CPO: variants seen among roughly 807,000 people sequenced by gnomAD.
CPO encodes the protein metallocarboxypeptidase C.
CPO carries 43 observed loss-of-function variants against 41.2 expected under a neutral mutation model. That is an observed-to-expected ratio of 1.04 (90% CI 0.82 to 1.35). The LOEUF is 1.35. CPO is among the 40% of genes most tolerant of loss of function. The pLI is 0.00. For missense variants in CPO, 408 were observed against 451.7 expected, an observed-to-expected ratio of 0.90 and a Z score of 0.88; for synonymous variants, 178 against 162.7, an observed-to-expected ratio of 1.09 and a Z score of -0.72.
chr2:206,952,140 A>G (rs1015222291), intron 2 of CPO, among the ~76,000 whole-genome samples: 1 of 150,792 alleles, frequency 6.6e-6, no homozygotes, highest in Non-Finnish European at 1.5e-5. Context: ...TTTGAGACAG[A>G]GTCTTGCTCT....
intron 7 of CPO, among the ~76,000 whole-genome samples, chr2:206,967,329 T>A (rs1693592001): frequency 7.7e-6 from 1 of 130,654 alleles, no homozygotes; most frequent in African/African-American, 3.2e-5. Flanking sequence ...AGCTCTGAAA[T>A]GCTATATATA....
intron 2 of CPO, among the ~76,000 whole-genome samples, chr2:206,952,958 A>G (rs192076243): frequency 4.6e-5 from 7 of 152,296 alleles, no homozygotes; most frequent in East Asian, 3.9e-4. Flanking sequence ...TTATAAAACC[A>G]TCAGGTCTCC....
chr2:206,956,894 A>G (rs1163878052), intron 3 of CPO, among the ~76,000 whole-genome samples: 1 of 152,232 alleles, frequency 6.6e-6, no homozygotes, highest in African/African-American at 2.4e-5. Flanking sequence ...TGTATTAAGC[A>G]TGGGCCACCT....
intron 1 of CPO, 86 bp from the exon 2 acceptor site, chr2:206,949,531 T>G: frequency 1.1e-6 from 1 of 905,962 alleles, no homozygotes; most frequent in Non-Finnish European, 1.8e-6. Flanking sequence ...TGCACACTGA[T>G]TCTACTACCT....
At chr2:206,957,788 G>A (rs1693399445) in intron 3 of CPO, among the ~76,000 whole-genome samples, 1 of 152,212 alleles carries the variant, frequency 6.6e-6, no homozygotes, top group African/African-American at 2.4e-5. Context: ...GGCTGGCAGG[G>A]AGTCAGGGAG....
chr2:206,945,299 T>C (rs1236513510), intron 1 of CPO, among the ~76,000 whole-genome samples: 1 of 152,208 alleles, frequency 6.6e-6, no homozygotes, highest in African/African-American at 2.4e-5. Context: ...TCAGTATCAC[T>C]ATACAAAAGT....
At chr2:206,949,888 T>C (rs761467660) in intron 2 of CPO, among the ~76,000 whole-genome samples, 175 bp downstream of exon 2, 10 of 152,132 alleles carry the variant, frequency 6.6e-5, no homozygotes, top group Non-Finnish European at 8.8e-5. Context: ...GCCACCACCA[T>C]TGAAGCTGTA....
intron 1 of CPO, among the ~76,000 whole-genome samples, chr2:206,949,024 T>G (rs1298599049): frequency 6.7e-6 from 1 of 150,090 alleles, no homozygotes; most frequent in East Asian, 2.0e-4. Flanking sequence ...TATGTGAACC[T>G]AAAAGTGTGC....
intron 7 of CPO, among the ~76,000 whole-genome samples, chr2:206,966,596 A>G (rs934062688): frequency 6.6e-6 from 1 of 152,066 alleles, no homozygotes; most frequent in African/African-American, 2.4e-5. Context: ...TGATTAAATC[A>G]GCGTTTTTAG....
intron 8 of CPO, 53 bp downstream of exon 8, chr2:206,968,400 G>A (rs1001867504): frequency 5.8e-6 from 6 of 1,039,086 alleles, no homozygotes; most frequent in Admixed American, 3.5e-5. Flanking sequence ...AAAGAAGTCA[G>A]TGGACTTTGG....
intron 3 of CPO, among the ~76,000 whole-genome samples, chr2:206,956,980 G>A (rs1255566680): frequency 6.6e-6 from 1 of 152,104 alleles, no homozygotes; most frequent in African/African-American, 2.4e-5. Flanking sequence ...CCTCTGCCTA[G>A]GGCATATTAA....
intron 2 of CPO, 94 bp from the exon 3 acceptor site, chr2:206,955,368 GA>G (rs2105824484): frequency 1.3e-6 from 1 of 789,192 alleles, no homozygotes; most frequent in Non-Finnish European, 2.3e-6. Context: ...AAAGATAACA[GA>G]GTTCAATGTG....
chr2:206,941,243 G>A (rs952964331), intron 1 of CPO, among the ~76,000 whole-genome samples: 2 of 151,778 alleles, frequency 1.3e-5, no homozygotes, highest in African/African-American at 4.8e-5. Context: ...TCTATGTTAG[G>A]TTATGTAAAT....
intron 1 of CPO, among the ~76,000 whole-genome samples, chr2:206,940,775 C>T (rs1186288764): frequency 6.6e-6 from 1 of 152,012 alleles, no homozygotes; most frequent in African/African-American, 2.4e-5. Flanking sequence ...TTAAAGAAAT[C>T]TTGCAATGAA....
rs757971844 is a variant in CPO, at chr2:206,958,351, A to C, written c.318A>C (p.Gly106=). 1 of 1,601,990 alleles carries C rather than the reference A, an allele frequency of 6.2e-7. No individual in the cohort carries two copies. Among genetic ancestry groups the C allele is most frequent in the Admixed American group, 1.7e-5 (1 of 58,226 alleles). The change falls in exon 4 of 9, where the codon GGA becomes GGC. Residue 106 remains glycine (G), a synonymous_variant. Coordinates refer to ENST00000272852, the MANE Select transcript of CPO (RefSeq NM_173077.3). The stretch of plus-strand genomic sequence containing the variant: ...AGAAAATCATTTGGATGGACTGTGG[A>C]ATTCACGCCAGAGAATGGATTGCTC... ...NPKKIIWMDC[G]IHAREWIAPA... is the part of the protein sequence containing the mutation.
chr2:206,957,185 A>G (rs1301817631), intron 3 of CPO, among the ~76,000 whole-genome samples: 1 of 151,940 alleles, frequency 6.6e-6, no homozygotes, highest in East Asian at 1.9e-4. Context: ...AGACCATCCT[A>G]GCTAACACGG....
At chr2:206,960,789 A>AC in intron 5 of CPO, 63 bp from the exon 6 acceptor site, 1 of 1,154,230 alleles carries the variant, frequency 8.7e-7, no homozygotes, top group Non-Finnish European at 1.3e-6. Context: ...ACCACCTATC[A>AC]TCACTAACAC....
At chr2:206,966,153 G>A (rs547365195) in intron 7 of CPO, among the ~76,000 whole-genome samples, 2 of 151,120 alleles carry the variant, frequency 1.3e-5, no homozygotes, top group Non-Finnish European at 2.9e-5. Context: ...GCCAGGATTC[G>A]AGGAAAGGCA....
intron 7 of CPO, among the ~76,000 whole-genome samples, chr2:206,963,578 A>T (rs367638519): frequency 6.6e-6 from 1 of 152,312 alleles, no homozygotes; most frequent in South Asian, 2.1e-4. Context: ...CATACCTCAT[A>T]TAAGGGAACC....
Sources: gnomAD v4.1 joint callset for allele counts (sites outside exome capture counted in the v4.1 genomes callset) on GRCh38, gnomAD v4.1.1 for gene constraint, MANE v1.5 for transcripts, NCBI Gene and HGNC (gene_info 2026-07-23, HGNC 2026-07-21) for gene names.